Variants in WIPI2 observed in about 807,000 individuals in gnomAD.
The protein encoded by WIPI2 is WD repeat domain phosphoinositide-interacting protein 2.
In WIPI2, 28 loss-of-function variants were observed where a neutral mutation model predicts 52.3. That is an observed-to-expected ratio of 0.54 (90% CI 0.40 to 0.73). The LOEUF is 0.73. WIPI2 is among the 30% of genes least tolerant of loss of function. The probability of loss-of-function intolerance (pLI) is 0.00; values close to 1 mark genes in which losing one functional copy is unlikely to be tolerated. For missense variants in WIPI2, 506 were observed against 602.9 expected, an observed-to-expected ratio of 0.84 and a Z score of 1.68; for synonymous variants, 268 against 245.0, an observed-to-expected ratio of 1.09 and a Z score of -0.88.
chr7:5,228,234 A>C (rs781341969), intron 11 of WIPI2, 23 bp downstream of exon 11: 2 of 1,600,386 alleles, frequency 1.2e-6, no homozygotes, highest in Non-Finnish European at 1.7e-6. Context: ...CGGCCGCTTC[A>C]CGGAGCTGCT....
In WIPI2 at chr7:5,230,969, C is replaced by A. The variant is rs1783700838; in HGVS notation, c.*22C>A. The A allele has an allele frequency of 1.9e-6, 3 of 1,599,056 alleles. No homozygotes were observed. Among genetic ancestry groups the A allele is most frequent in the East Asian group, 4.5e-5 (2 of 44,246 alleles). On this transcript the variant is annotated 3_prime_UTR_variant, in exon 13 of 13. Transcript: ENST00000288828. The surrounding 1 kb of genome is among the most constrained non-coding windows in gnomAD (Gnocchi z 4.8). ...CTGAACTTGACCTGTGACCTCTGAC[C>A]CGGGGAGCAGAGAACACTGGCTTCA...
At chr7:5,197,670 T>TA (rs1359992846) in intron 2 of WIPI2, among the ~76,000 whole-genome samples, 1 of 152,200 alleles carries the variant, frequency 6.6e-6, no homozygotes, top group African/African-American at 2.4e-5. Flanking sequence ...TTCTTCCACA[T>TA]ACGTGTGAAA....
At chr7:5,224,529 C>A (rs531230446) in intron 8 of WIPI2, among the ~76,000 whole-genome samples, 3 of 152,184 alleles carry the variant, frequency 2.0e-5, no homozygotes, top group Non-Finnish European at 2.9e-5. Flanking sequence ...TACTACTACT[C>A]AAATCAGTCT....
chr7:5,209,868 C>T (rs1390051328), intron 3 of WIPI2, among the ~76,000 whole-genome samples: 3 of 152,086 alleles, frequency 2.0e-5, no homozygotes, highest in Non-Finnish European at 2.9e-5. Flanking sequence ...CCAGCCCCTC[C>T]CATATTTCTA....
intron 3 of WIPI2, among the ~76,000 whole-genome samples, chr7:5,203,769 C>T (rs1028622245): frequency 5.4e-5 from 8 of 149,058 alleles, no homozygotes; most frequent in African/African-American, 1.5e-4. Flanking sequence ...AGTAGCGCCA[C>T]CATGCCCGGC....
In WIPI2 at chr7:5,231,224, ACCT is replaced by A. The variant is rs1253457076; in HGVS notation, c.*282_*284del. 2.2e-4 allele frequency: 75 copies of A among 333,968 alleles called. 1 individual carries two copies. Among genetic ancestry groups the A allele is most frequent in the African/African-American group, 1.5e-3 (72 of 46,730 alleles). 20.7% of individuals were successfully genotyped at this position (333,968 alleles called of 1,614,324 possible). A position where few individuals can be genotyped will look rare whatever the true frequency, so the allele number is the denominator to read the frequency against. On this transcript the variant is annotated 3_prime_UTR_variant, in exon 13 of 13. Coordinates refer to ENST00000288828, the MANE Select transcript of WIPI2 (RefSeq NM_015610.4). Reference sequence around the variant, plus strand: ...TTAACTGTTTGGTGAAGCCCGCAAAACCTCCTCGCTTTGCATGCATGAACGTGC... The same window carrying A: ...TTAACTGTTTGGTGAAGCCCGCAAAACCTCGCTTTGCATGCATGAACGTGC...
chr7:5,226,999 A>T, intron 9 of WIPI2, 181 bp from the exon 10 acceptor site: 1 of 761,694 alleles, frequency 1.3e-6, no homozygotes, highest in Non-Finnish European at 2.1e-6. Flanking sequence ...CACCTCCCAG[A>T]GGAAGCTCCG....
chr7:5,194,373 A>G (rs946403789), intron 2 of WIPI2, among the ~76,000 whole-genome samples: 1 of 152,302 alleles, frequency 6.6e-6, no homozygotes, highest in Non-Finnish European at 1.5e-5. Flanking sequence ...CGCAAAGATG[A>G]TGAAGAAGGA....
chr7:5,199,798 C>A, intron 3 of WIPI2, 140 bp downstream of exon 3: 1 of 852,994 alleles, frequency 1.2e-6, no homozygotes, highest in East Asian at 2.6e-5. Flanking sequence ...CCTTCATCTC[C>A]CCAAGAGGTG....
chr7:5,202,227 G>A (rs1782059734), intron 3 of WIPI2, among the ~76,000 whole-genome samples: 1 of 152,092 alleles, frequency 6.6e-6, no homozygotes, highest in Non-Finnish European at 1.5e-5. Context: ...GCTACTTGTT[G>A]TTCTTTTGTT....
At position 5,192,404 on chromosome 7, in the gene WIPI2, T is replaced by C. The variant is rs534105135; in HGVS notation, c.75-714T>C. 2.0e-5 allele frequency among the ~76,000 whole-genome samples: 3 copies of C among 152,330 alleles called. No individual in the cohort carries two copies. The East Asian group carries it at 5.8e-4, about 29-fold the overall frequency. Reference sequence around the variant, plus strand: ...CACTCTTTCAGTTTTTCACTAATTATTTCTATCAGAATGAAATCAAATAGA... The same window carrying C: ...CACTCTTTCAGTTTTTCACTAATTACTTCTATCAGAATGAAATCAAATAGA... On this transcript the variant is annotated intron_variant, in intron 1 of 12. Coordinates refer to ENST00000288828, the MANE Select transcript of WIPI2 (RefSeq NM_015610.4).
At chr7:5,195,936 C>T (rs181309109) in intron 2 of WIPI2, among the ~76,000 whole-genome samples, 6 of 151,842 alleles carry the variant, frequency 4.0e-5, no homozygotes, top group Admixed American at 1.3e-4. Context: ...CTGCTCGGGA[C>T]GCTGAGGCAG....
chr7:5,221,743 G>A (rs1349768945), intron 7 of WIPI2, among the ~76,000 whole-genome samples: 7 of 152,042 alleles, frequency 4.6e-5, no homozygotes, highest in Non-Finnish European at 1.0e-4. Context: ...TGTATTCCTA[G>A]TTCTTTGTCT....
In WIPI2 at chr7:5,232,389, G is replaced by C; in HGVS notation, c.*1442G>C. On this transcript the variant is annotated 3_prime_UTR_variant, in exon 13 of 13. Transcript: ENST00000288828. The stretch of plus-strand genomic sequence containing the variant: ...TTGGCTTTACGGCAAACTAAATGCA[G>C]GGGACGCTGGAGTCCGACTCACCTA... 2.5e-6 allele frequency: 1 copy of C among 398,458 alleles called. No homozygotes were observed. The highest frequency in any genetic ancestry group is 4.4e-6 in the Non-Finnish European group (1 of 226,076). 24.7% of individuals were successfully genotyped at this position (398,458 alleles called of 1,614,324 possible).
At chr7:5,207,489 C>T (rs1782353559) in intron 3 of WIPI2, among the ~76,000 whole-genome samples, 1 of 152,116 alleles carries the variant, frequency 6.6e-6, no homozygotes, top group African/African-American at 2.4e-5. Flanking sequence ...CTCATTTGCC[C>T]AGTATGTGAA....
chr7:5,213,620 G>A (rs966226118), intron 3 of WIPI2, among the ~76,000 whole-genome samples: 1 of 152,220 alleles, frequency 6.6e-6, no homozygotes, highest in African/African-American at 2.4e-5. Context: ...CTACCATCTA[G>A]ATTTGTGTTT....
At chr7:5,195,591 C>G (rs1250461573) in intron 2 of WIPI2, among the ~76,000 whole-genome samples, 1 of 152,208 alleles carries the variant, frequency 6.6e-6, no homozygotes, top group Non-Finnish European at 1.5e-5. Flanking sequence ...CTCCTACTTA[C>G]CTGTTGCTCT....
chr7:5,212,257 G>A (rs1328085071), intron 3 of WIPI2, among the ~76,000 whole-genome samples: 2 of 152,074 alleles, frequency 1.3e-5, no homozygotes, highest in African/African-American at 2.4e-5. Flanking sequence ...AGTCCAGCAG[G>A]GAACTCTGTC....
At chr7:5,226,903 C>G in intron 9 of WIPI2, 1 of 443,670 alleles carries the variant, frequency 2.3e-6, no homozygotes, top group South Asian at 2.9e-5. Context: ...CACACCCTTG[C>G]AAAGGGGATG....
Sources: allele counts gnomAD v4.1 joint callset (sites outside exome capture counted in the v4.1 genomes callset), GRCh38; gene constraint gnomAD v4.1.1; non-coding constraint Gnocchi (gnomAD v3.1); transcripts MANE v1.5; gene names NCBI Gene and HGNC (gene_info 2026-07-23, HGNC 2026-07-21).